PTPRO: variants seen among roughly 807,000 people sequenced by gnomAD.
The protein encoded by PTPRO is receptor-type tyrosine-protein phosphatase O.
In PTPRO, 62 loss-of-function variants were observed where a neutral mutation model predicts 145.2. The ratio of observed to expected loss-of-function variants is 0.43; its 90% confidence interval spans 0.35 to 0.53. The LOEUF (loss-of-function observed/expected upper bound fraction) is 0.53. PTPRO is among the 20% of genes least tolerant of loss of function. The pLI, the probability that PTPRO is intolerant of heterozygous loss-of-function variation, is 0.01. For synonymous variants in PTPRO, 565 were observed against 514.7 expected (o/e 1.10, Z -1.32); for missense variants, 1,345 against 1,482.7 (o/e 0.91, Z 1.53).
intron 1 of PTPRO, among the ~76,000 whole-genome samples, chr12:15,461,889 C>T (rs1294130058): frequency 6.6e-6 from 1 of 151,960 alleles, no homozygotes; most frequent in Non-Finnish European, 1.5e-5. Flanking sequence ...TAACTAGTCT[C>T]CTGATTCCTG....
chr12:15,541,346 C>T (rs909885812), intron 12 of PTPRO, among the ~76,000 whole-genome samples: 5 of 152,254 alleles, frequency 3.3e-5, no homozygotes, highest in African/African-American at 4.8e-5. Flanking sequence ...AGAAGACTGA[C>T]TGTATTTGAT....
intron 1 of PTPRO, among the ~76,000 whole-genome samples, chr12:15,332,171 T>C (rs527675057): frequency 2.6e-5 from 4 of 152,282 alleles, no homozygotes; most frequent in South Asian, 4.1e-4. Flanking sequence ...TTCACCATGT[T>C]GGCCAGGTTG....
intron 23 of PTPRO, 107 bp from the exon 24 acceptor site, chr12:15,586,790 G>C (rs1034015539): frequency 1.6e-6 from 2 of 1,234,302 alleles, no homozygotes; most frequent in African/African-American, 1.5e-5. Context: ...TACTGACCAG[G>C]AGTGGAACGT....
chr12:15,501,949 G>C lies in PTPRO; in HGVS notation c.991G>C (p.Glu331Gln), dbSNP rs752919582. Residue 331 changes from glutamate (E) to glutamine (Q), a missense_variant, in exon 5 of 27, where the codon GAG (glutamate) becomes CAG (glutamine). By Grantham distance (29) the Glu-to-Gln change is conservative. Transcript: ENST00000281171. Reference sequence around the variant, plus strand: ...AAATAACAGTACACTCAGTGAGACAGAGAAGTCAACATCAGGCTCTTTCTC... The same window carrying C: ...AAATAACAGTACACTCAGTGAGACACAGAAGTCAACATCAGGCTCTTTCTC... ...YENNSTLSET[E>Q]KSTSGSFSFF... 3.7e-6 allele frequency: 6 copies of C among 1,614,042 alleles called. No homozygotes were observed. Among genetic ancestry groups the C allele is most frequent in the Non-Finnish European group, 4.2e-6 (5 of 1,179,928 alleles).
At chr12:15,577,031 T>G (rs1944201476) in intron 19 of PTPRO, among the ~76,000 whole-genome samples, 1 of 152,116 alleles carries the variant, frequency 6.6e-6, no homozygotes, top group Admixed American at 6.6e-5. Context: ...ACAAGAAAAA[T>G]AGAGTCAACC....
At chr12:15,485,262 T>TA (rs1941861513) in intron 2 of PTPRO, among the ~76,000 whole-genome samples, 1 of 152,082 alleles carries the variant, frequency 6.6e-6, no homozygotes, top group East Asian at 1.9e-4. Flanking sequence ...TAGTGAGTCC[T>TA]AAAAATTAGG....
At position 15,476,796 on chromosome 12, in the gene PTPRO, A is replaced by G. The variant is rs1415574173; in HGVS notation, c.76-7178A>G. On this transcript the variant is annotated intron_variant, in intron 1 of 26. Transcript: ENST00000281171. ...CAGAGAAATGCAAATCAAAAGCACT[A>G]TGAGATATCATCTCACACCAGTTAG... Among the ~76,000 whole-genome samples the G allele has an allele frequency of 3.3e-5, 5 of 149,740 alleles. No individual in the cohort carries two copies. The East Asian group carries it at 9.9e-4, about 30-fold the overall frequency.
chr12:15,503,223 T>C lies in PTPRO; in HGVS notation c.1106-685T>C, dbSNP rs564033801. ...CTGCCTCTTCTCATGAAGGTTCTAT[T>C]ATGCATTTATCTGACTCAGTGTCTT... is the stretch of plus-strand genomic sequence containing the variant. On this transcript the variant is annotated intron_variant, in intron 5 of 26. Transcript: ENST00000281171. Among the ~76,000 whole-genome samples, 13 of 152,278 alleles carry C rather than the reference T, an allele frequency of 8.5e-5. 2 individuals carry two copies. The highest frequency in any genetic ancestry group is 3.1e-4 in the African/African-American group (13 of 41,576).
intron 12 of PTPRO, among the ~76,000 whole-genome samples, chr12:15,545,902 G>A (rs979413469): frequency 3.3e-5 from 5 of 151,866 alleles, no homozygotes; most frequent in African/African-American, 1.2e-4. Flanking sequence ...GGTAGTCCCA[G>A]TTACTTGGGA....
intron 1 of PTPRO, among the ~76,000 whole-genome samples, chr12:15,354,901 G>A (rs940109977): frequency 2.2e-4 from 34 of 152,164 alleles, no homozygotes; most frequent in African/African-American, 7.0e-4. Flanking sequence ...TATTTTTACC[G>A]TATTTTATAA....
At chr12:15,420,528 A>G in intron 1 of PTPRO, among the ~76,000 whole-genome samples, 1 of 151,572 alleles carries the variant, frequency 6.6e-6, no homozygotes, top group East Asian at 1.9e-4. Flanking sequence ...GTCTTACCAC[A>G]TTTCCTGACC....
At chr12:15,520,660 A>G (rs1288497125) in intron 10 of PTPRO, among the ~76,000 whole-genome samples, 1 of 152,096 alleles carries the variant, frequency 6.6e-6, no homozygotes, top group Non-Finnish European at 1.5e-5. Context: ...TATGATGATT[A>G]TATTTGTTAG....
chr12:15,370,314 A>G (rs183046723), intron 1 of PTPRO, among the ~76,000 whole-genome samples: 2 of 152,318 alleles, frequency 1.3e-5, no homozygotes, highest in Non-Finnish European at 2.9e-5. Flanking sequence ...AAAAAAAGGT[A>G]GTAAATACAG....
At chr12:15,346,469 G>A (rs1867216466) in intron 1 of PTPRO, 1 of 152,208 alleles carries the variant, frequency 6.6e-6, no homozygotes, top group African/African-American at 2.4e-5. Context: ...AGAGCTGCAA[G>A]AAGTTGTCTG....
chr12:15,563,556 C>G (rs1943828035), intron 17 of PTPRO, among the ~76,000 whole-genome samples: 1 of 152,058 alleles, frequency 6.6e-6, no homozygotes, highest in Non-Finnish European at 1.5e-5. Context: ...GTATACAAAT[C>G]ATGATTACTT....
chr12:15,518,191 C>A (rs553340071), intron 9 of PTPRO, among the ~76,000 whole-genome samples: 1 of 151,952 alleles, frequency 6.6e-6, no homozygotes, highest in African/African-American at 2.4e-5. Flanking sequence ...AGCTGCCAAG[C>A]CTTGGGGCTT....
At chr12:15,408,280 A>C (rs1939701187) in intron 1 of PTPRO, among the ~76,000 whole-genome samples, 1 of 152,144 alleles carries the variant, frequency 6.6e-6, no homozygotes. Flanking sequence ...ACTCTATGGA[A>C]GGCTGCATTA....
At chr12:15,396,841 C>T (rs922253878) in intron 1 of PTPRO, among the ~76,000 whole-genome samples, 2 of 152,072 alleles carry the variant, frequency 1.3e-5, no homozygotes, top group African/African-American at 4.8e-5. Context: ...AATCTTTTGC[C>T]TTCCCATGGG....
intron 13 of PTPRO, 135 bp from the exon 14 acceptor site, chr12:15,548,959 A>G (rs943527280): frequency 9.9e-7 from 1 of 1,010,946 alleles, no homozygotes; most frequent in Non-Finnish European, 1.5e-6. Context: ...AAAAGGAAAC[A>G]TTTTTCAATG....
Sources: gnomAD v4.1 joint callset for allele counts (sites outside exome capture counted in the v4.1 genomes callset) on GRCh38, gnomAD v4.1.1 for gene constraint, MANE v1.5 for transcripts, NCBI Gene and HGNC (gene_info 2026-07-23, HGNC 2026-07-21) for gene names.